ADAMTS7: variants seen among roughly 807,000 people sequenced by gnomAD.
ADAMTS7 encodes the protein ADAM metallopeptidase with thrombospondin type 1 motif 7.
A neutral mutation model predicts 172.6 loss-of-function variants in ADAMTS7; 89 were observed. The ratio of observed to expected loss-of-function variants is 0.52; its 90% CI spans 0.43 to 0.61. The LOEUF (loss-of-function observed/expected upper bound fraction) is 0.61. ADAMTS7 is among the 20% of genes least tolerant of loss of function. ADAMTS7 has a pLI of 0.00. For synonymous variants in ADAMTS7, 885 were observed against 978.4 expected (o/e 0.90, Z 1.78); for missense variants, 1,973 against 2,355.6 (o/e 0.84, Z 3.36).
At chr15:78,808,532 C>A (rs1160817490) in intron 1 of ADAMTS7, among the ~76,000 whole-genome samples, 1 of 152,108 alleles carries the variant, frequency 6.6e-6, no homozygotes, top group Non-Finnish European at 1.5e-5. Context: ...CACTGCAGCC[C>A]GCCAGCATTA....
At chr15:78,763,491 G>C (rs1211871806) in intron 22 of ADAMTS7, among the ~76,000 whole-genome samples, 2 of 152,214 alleles carry the variant, frequency 1.3e-5, no homozygotes, top group African/African-American at 4.8e-5. Context: ...TCCTTGGAAG[G>C]CCTTCCCTGA....
chr15:78,790,621 G>C lies in ADAMTS7; in HGVS notation c.1028+49C>G, dbSNP rs748835892. 3 of 1,605,502 alleles carry C rather than the reference G, an allele frequency of 1.9e-6. No homozygotes were observed. In the East Asian group the frequency reaches 6.7e-5, roughly 36 times the overall value. Reference sequence around the variant, plus strand: ...CACCAGGGCTTCTTCTGCAGGGCCGGGAAGCACCTCCTGAGATGCAGGCTC... The same window carrying C: ...CACCAGGGCTTCTTCTGCAGGGCCGCGAAGCACCTCCTGAGATGCAGGCTC... On this transcript the variant is annotated intron_variant, in intron 6 of 23. Coordinates refer to ENST00000388820, the MANE Select transcript of ADAMTS7 (RefSeq NM_014272.5).
At chr15:78,803,156 G>A (rs1003666242) in intron 1 of ADAMTS7, among the ~76,000 whole-genome samples, 3 of 150,998 alleles carry the variant, frequency 2.0e-5, no homozygotes, top group African/African-American at 4.9e-5. Flanking sequence ...GAGCCTAGGA[G>A]TTCAAGACCA....
At position 78,771,547 on chromosome 15, in the gene ADAMTS7, C is replaced by A. The variant is rs2141482272; in HGVS notation, c.2376+38G>T. 1 of 1,567,712 alleles carries A rather than the reference C, an allele frequency of 6.4e-7. No homozygotes were observed. The highest frequency in any genetic ancestry group is 2.3e-5 in the East Asian group (1 of 42,958). ...GAGGGTGCTGGGCCTGGGGACTCCG[C>A]CTCTGCTCCCCCCGCCTGGGCCACG... is the stretch of plus-strand genomic sequence containing the variant. On this transcript the variant is annotated intron_variant, in intron 15 of 23. Transcript: ENST00000388820. The surrounding 1 kb of genome is among the most constrained non-coding windows in gnomAD (Gnocchi z 4.9).
At chr15:78,804,518 G>C (rs1044312970) in intron 1 of ADAMTS7, among the ~76,000 whole-genome samples, 36 of 152,182 alleles carry the variant, frequency 2.4e-4, no homozygotes, top group African/African-American at 8.0e-4. Context: ...CATCCCACCA[G>C]GGTTCCTTCT....
In ADAMTS7 at chr15:78,766,658, C is replaced by T. The variant is rs538382275; in HGVS notation, c.3253G>A (p.Asp1085Asn). ...TCCCCTGTCCCCGCCAGGTCTAGAT[C>T]GGGCTCCTCAGAGGGCCCGTAGGAC... Reference protein sequence around the residue: ...DLSYGPSEEPDLDLAGTGDRT... With the variant: ...DLSYGPSEEPNLDLAGTGDRT... The change falls in exon 19 of 24, where the codon GAT (aspartate) becomes AAT (asparagine). Residue 1085 changes from aspartate to asparagine, a missense_variant. Transcript: ENST00000388820. 4.3e-6 allele frequency: 7 copies of T among 1,610,668 alleles called. No homozygotes were observed. The highest frequency in any genetic ancestry group is 2.2e-5 in the East Asian group (1 of 44,880).
At chr15:78,768,527 C>G (rs1411135077) in intron 16 of ADAMTS7, among the ~76,000 whole-genome samples, 1 of 152,082 alleles carries the variant, frequency 6.6e-6, no homozygotes, top group Non-Finnish European at 1.5e-5. Context: ...GTGCCCAGAC[C>G]CTCTGCATCC....
At chr15:78,760,589 C>T (rs1471246290) in intron 23 of ADAMTS7, among the ~76,000 whole-genome samples, 1 of 152,244 alleles carries the variant, frequency 6.6e-6, no homozygotes, top group East Asian at 1.9e-4. Flanking sequence ...GCCTCGGTTC[C>T]CTCCTCTGTC....
At chr15:78,792,833 AAGAGAGAAAGAGAG>A (rs1210345433) in intron 4 of ADAMTS7, among the ~76,000 whole-genome samples, 1 of 152,030 alleles carries the variant, frequency 6.6e-6, no homozygotes, top group Non-Finnish European at 1.5e-5. Context: ...GAAAGAAAGA[AAGAGAGAAAGAGAG>A]AGAGAGAAAG....
chr15:78,765,856 A>G lies in ADAMTS7; in HGVS notation c.4055T>C (p.Leu1352Pro), dbSNP rs773144154. Residue 1352 changes from leucine (L) to proline (P), a missense_variant, in exon 19 of 24, where the codon CTG becomes CCG. By Grantham distance (98) the Leu-to-Pro change is moderately conservative. Coordinates refer to ENST00000388820, the MANE Select transcript of ADAMTS7 (RefSeq NM_014272.5). ...TGLGHMPEPA[L>P]NPGPKGQPES... ...AGGCTGACCCTTGGGTCCTGGGTTC[A>G]GGGCAGGCTCAGGCATGTGCCCGAG... 4 of 1,488,214 alleles carry G rather than the reference A, an allele frequency of 2.7e-6. No individual in the cohort carries two copies. The African/African-American group carries it at 5.6e-5, about 21-fold the overall frequency. The allele number at this position is 1,488,214 out of a possible 1,614,324, so 92.2% of individuals were successfully genotyped here. A position where few individuals can be genotyped will look rare whatever the true frequency, so the allele number is the denominator to read the frequency against.
Position 78,763,802 on chromosome 15 carries a change from G to A in ADAMTS7, c.4637C>T (p.Thr1546Ile), listed in dbSNP as rs1412059583. The change falls in exon 22 of 24, where the codon ACC becomes ATC. Residue 1546 changes from threonine (T) to isoleucine (I), a missense_variant. This residue lies in a region of ADAMTS7 where 218 missense variants were observed against 216.9 expected (regional missense o/e 1.01). Transcript: ENST00000388820. ...CGGGEQQRLV[T>I]CPEPGLCEEA... is the part of the protein sequence containing the mutation. ...CTCGCAGAGGCCTGGCTCCGGGCAGGTCACTAGACGCTGCTGCTCACCACC... is the reference window on the plus strand; with the variant it reads ...CTCGCAGAGGCCTGGCTCCGGGCAGATCACTAGACGCTGCTGCTCACCACC... The A allele has an allele frequency of 6.3e-7, 1 of 1,584,618 alleles. No individual in the cohort carries two copies. Among genetic ancestry groups the A allele is most frequent in the Admixed American group, 1.8e-5 (1 of 56,218 alleles).
chr15:78,782,599 T>C (rs934984317), intron 8 of ADAMTS7, among the ~76,000 whole-genome samples: 2 of 151,862 alleles, frequency 1.3e-5, no homozygotes, highest in African/African-American at 2.4e-5. Flanking sequence ...GGGGTGATGA[T>C]GGGTAATGAA....
Position 78,811,366 on chromosome 15 carries a change from G to A in ADAMTS7, c.-146C>T. 2 of 1,020,816 alleles carry A rather than the reference G, an allele frequency of 2.0e-6. No homozygotes were observed. The highest frequency in any genetic ancestry group is 1.2e-6 in the Non-Finnish European group (1 of 800,948). The allele number at this position is 1,020,816 out of a possible 1,614,324, so 63.2% of individuals were successfully genotyped here. On this transcript the variant is annotated 5_prime_UTR_variant, in exon 1 of 24. Transcript: ENST00000388820. ...CCCGGCCCCGACTCCGTTCGGCTGC[G>A]CTCGGTCCGCGGGCAACAAAGGCTG...
At chr15:78,805,360 C>T (rs1374530521) in intron 1 of ADAMTS7, among the ~76,000 whole-genome samples, 2 of 152,302 alleles carry the variant, frequency 1.3e-5, no homozygotes, top group Middle Eastern at 3.4e-3. Context: ...TGATCTTGTA[C>T]AAAAATCTCA....
At chr15:78,769,045 G>A (rs890711250) in intron 16 of ADAMTS7, among the ~76,000 whole-genome samples, 2 of 152,130 alleles carry the variant, frequency 1.3e-5, no homozygotes, top group African/African-American at 2.4e-5. Flanking sequence ...CAGTGTGTCC[G>A]GGGGCCACCG....
rs2055134689 is a variant in ADAMTS7 at position 78,765,874 on chromosome 15, T to A, written c.4037A>T (p.His1346Leu). 1 of 1,569,796 alleles carries A rather than the reference T, an allele frequency of 6.4e-7. No individual in the cohort carries two copies. The highest frequency in any genetic ancestry group is 1.2e-5 in the South Asian group (1 of 85,454). Residue 1346 changes from histidine to leucine, a missense_variant, in exon 19 of 24, where the codon CAC becomes CTC. His to Leu is a moderately conservative substitution (Grantham distance 99). This residue lies in a region of ADAMTS7 where 771 missense variants were observed against 952.6 expected (regional missense o/e 0.81). Transcript: ENST00000388820. ...TGGGTTCAGGGCAGGCTCAGGCATGTGCCCGAGGCCAGTCAGGGTTGTGGG... is the reference window on the plus strand; with the variant it reads ...TGGGTTCAGGGCAGGCTCAGGCATGAGCCCGAGGCCAGTCAGGGTTGTGGG... The part of the protein sequence containing the change: ...FLPTTLTGLG[H>L]MPEPALNPGP...
intron 4 of ADAMTS7, among the ~76,000 whole-genome samples, chr15:78,792,299 G>A (rs1035670077): frequency 2.0e-5 from 3 of 152,130 alleles, no homozygotes; most frequent in Admixed American, 6.5e-5. Flanking sequence ...AGTTTTGCCC[G>A]ACTCTGTCTC....
In ADAMTS7 at chr15:78,811,268, C is replaced by A. The variant is rs2055863395; in HGVS notation, c.-48G>T. ...GGTGACCCCGCGCGCACGCTCTCGT[C>A]CGTCCCGTCCGGTCGCTGCCTGGTC... On this transcript the variant is annotated 5_prime_UTR_variant, in exon 1 of 24. Coordinates refer to ENST00000388820, the MANE Select transcript of ADAMTS7 (RefSeq NM_014272.5). 2 of 1,221,624 alleles carry A rather than the reference C, an allele frequency of 1.6e-6. No homozygotes were observed. Among genetic ancestry groups the A allele is most frequent in the Non-Finnish European group, 2.0e-6 (2 of 981,328 alleles). The allele number at this position is 1,221,624 out of a possible 1,614,324, so 75.7% of individuals were successfully genotyped here.
At position 78,788,356 on chromosome 15, in the gene ADAMTS7, G is replaced by T; in HGVS notation, c.1197C>A (p.Asp399Glu). The T allele has an allele frequency of 6.2e-7, 1 of 1,612,980 alleles. No individual in the cohort carries two copies. Among genetic ancestry groups the T allele is most frequent in the Non-Finnish European group, 8.5e-7 (1 of 1,179,972 alleles). ...CGGGCTCACAGTCATTGCCGCTTCC[G>T]TCATGCTGAATGCCAAAACTGTGTG... ...ELGHSFGIQH[D>E]GSGNDCEPVG... The change falls in exon 8 of 24, where the codon GAC (aspartate) becomes GAA (glutamate). Residue 399 changes from aspartate to glutamate, a missense_variant. By Grantham distance (45) the Asp-to-Glu change is conservative (BLOSUM62 2). This residue lies in a region of ADAMTS7 where 526 missense variants were observed against 662.9 expected (regional missense o/e 0.79). Coordinates refer to ENST00000388820, the MANE Select transcript of ADAMTS7 (RefSeq NM_014272.5).
Sources: allele counts gnomAD v4.1 joint callset (sites outside exome capture counted in the v4.1 genomes callset), GRCh38; gene constraint gnomAD v4.1.1; regional missense constraint gnomAD v4.1.1; non-coding constraint Gnocchi (gnomAD v3.1); transcripts MANE v1.5; gene names NCBI Gene and HGNC (gene_info 2026-07-23, HGNC 2026-07-21).